Variants in ATP2C1 observed in about 807,000 individuals in gnomAD.
The protein encoded by ATP2C1 is calcium-transporting ATPase type 2C member 1.
ATP2C1 carries 31 observed loss-of-function variants against 120.5 expected under a neutral mutation model. The ratio of observed to expected loss-of-function variants is 0.26; its 90% CI spans 0.19 to 0.35. ATP2C1 has a LOEUF of 0.35. ATP2C1 is among the 10% of genes least tolerant of loss of function. ATP2C1 has a pLI of 1.00. For missense variants in ATP2C1, 731 were observed against 1,107.5 expected (o/e 0.66, Z 4.83); for synonymous variants, 351 against 358.7 (o/e 0.98, Z 0.24).
At chr3:130,980,431 T>A (rs2061705213) in intron 19 of ATP2C1, 151 bp from the exon 20 acceptor site, 3 of 624,638 alleles carry the variant, frequency 4.8e-6, no homozygotes, top group Non-Finnish European at 8.7e-6. Flanking sequence ...AACATAAAAC[T>A]CCAGACTTAA....
At chr3:130,851,459 A>G (rs1162980226) in intron 1 of ATP2C1, among the ~76,000 whole-genome samples, 1 of 152,198 alleles carries the variant, frequency 6.6e-6, no homozygotes, top group Admixed American at 6.5e-5. Context: ...GAGCACTGCC[A>G]TATTCAGTCT....
chr3:130,973,618 A>G (rs937121705), intron 17 of ATP2C1, among the ~76,000 whole-genome samples: 5 of 152,212 alleles, frequency 3.3e-5, no homozygotes, highest in African/African-American at 1.2e-4. Context: ...GGATTTCATC[A>G]CCATACTCAG....
Position 130,894,118 on chromosome 3 carries a change from A to T in ATP2C1, c.-400A>T. 1.0e-6 allele frequency: 1 copy of T among 968,142 alleles called. No individual in the cohort carries two copies. The highest frequency in any genetic ancestry group is 1.8e-5 in the African/African-American group (1 of 56,846). 60.0% of individuals were successfully genotyped at this position (968,142 alleles called of 1,614,324 possible). ...CGGCCTCGCGGAGCCGGCCCGGCGG[A>T]CCGTGACGGGTCCCCTCACCTCCTC... On this transcript the variant is annotated 5_prime_UTR_variant, in exon 1 of 28. Transcript: ENST00000510168. This position sits in a 1 kb window ranked among gnomAD's most constrained non-coding sequence, Gnocchi z 4.5.
chr3:130,915,860 A>G (rs992479618), intron 2 of ATP2C1, among the ~76,000 whole-genome samples: 1 of 152,156 alleles, frequency 6.6e-6, no homozygotes, highest in African/African-American at 2.4e-5. Flanking sequence ...TTTAGATTTT[A>G]TATTTAGCCA....
chr3:130,912,090 CA>C (rs1328030784), intron 2 of ATP2C1, among the ~76,000 whole-genome samples: 7 of 98,378 alleles, frequency 7.1e-5, no homozygotes, highest in Non-Finnish European at 1.4e-4. Flanking sequence ...ACACCTTATA[CA>C]AAAATCAATT....
intron 20 of ATP2C1, among the ~76,000 whole-genome samples, chr3:130,989,221 T>C (rs2062177061): frequency 7.6e-6 from 1 of 131,300 alleles, no homozygotes; most frequent in South Asian, 2.7e-4. Context: ...CACTCCAGCC[T>C]GGGCTACAAG....
chr3:130,984,122 A>G (rs766356410), intron 20 of ATP2C1, among the ~76,000 whole-genome samples: 7 of 152,168 alleles, frequency 4.6e-5, no homozygotes, highest in Non-Finnish European at 7.3e-5. Flanking sequence ...TGAGGCCCAC[A>G]GTACTTGGGA....
Position 131,002,791 on chromosome 3 carries a change from T to C in ATP2C1, c.*1441T>C. On this transcript the variant is annotated 3_prime_UTR_variant, in exon 28 of 28. Transcript: ENST00000510168. Reference sequence around the variant, plus strand: ...AGTGTTAGCACTGAAATATTGTCATTGATAGGGAAAATATCTATTCTTTGA... The same window carrying C: ...AGTGTTAGCACTGAAATATTGTCATCGATAGGGAAAATATCTATTCTTTGA... 3 of 985,640 alleles carry C rather than the reference T, an allele frequency of 3.0e-6. No individual in the cohort carries two copies. The highest frequency in any genetic ancestry group is 3.6e-6 in the Non-Finnish European group (3 of 829,922). 61.1% of individuals were successfully genotyped at this position (985,640 alleles called of 1,614,324 possible).
intron 2 of ATP2C1, among the ~76,000 whole-genome samples, chr3:130,905,139 T>A (rs2058063530): frequency 6.6e-6 from 1 of 152,058 alleles, no homozygotes; most frequent in African/African-American, 2.4e-5. Context: ...GAGAATGATA[T>A]CTAGAAACCA....
At chr3:130,890,659 G>C (rs570821333), upstream of ATP2C1, among the ~76,000 whole-genome samples, 1 of 152,272 alleles carries the variant, frequency 6.6e-6, no homozygotes, top group South Asian at 2.1e-4. Context: ...GCTCATATGA[G>C]TCCTTCAATT....
chr3:130,898,339 T>TAA (rs887492461), intron 2 of ATP2C1, among the ~76,000 whole-genome samples: 1 of 152,188 alleles, frequency 6.6e-6, no homozygotes, highest in African/African-American at 2.4e-5. Context: ...TTCAAATTGT[T>TAA]AATCAGCTAG....
At chr3:130,996,403 G>T in intron 23 of ATP2C1, 1 of 574,140 alleles carries the variant, frequency 1.7e-6, no homozygotes, top group South Asian at 2.1e-5. Flanking sequence ...AAGTAGAAGG[G>T]GTATTGTGTA....
intron 18 of ATP2C1, among the ~76,000 whole-genome samples, chr3:130,977,603 A>G (rs535234719): frequency 2.1e-4 from 32 of 152,186 alleles, no homozygotes; most frequent in South Asian, 1.9e-3. Flanking sequence ...ACCTCATTAT[A>G]TTGACTAATT....
intron 2 of ATP2C1, among the ~76,000 whole-genome samples, chr3:130,904,375 TACTG>T (rs1049519636): frequency 2.6e-5 from 4 of 152,106 alleles, no homozygotes; most frequent in African/African-American, 7.2e-5. Context: ...TTATAAATGT[TACTG>T]ACACTTTTGA....
intron 2 of ATP2C1, among the ~76,000 whole-genome samples, chr3:130,915,664 C>T (rs1218675163): frequency 3.9e-5 from 6 of 151,972 alleles, no homozygotes; most frequent in African/African-American, 9.7e-5. Context: ...TGTGAGTAAT[C>T]GGTTCAGGGT....
intron 20 of ATP2C1, among the ~76,000 whole-genome samples, chr3:130,981,273 G>A (rs2061751459): frequency 6.6e-6 from 1 of 152,036 alleles, no homozygotes; most frequent in South Asian, 2.1e-4. Flanking sequence ...TTTCTAGAAT[G>A]CACTAAAAAT....
intron 5 of ATP2C1, among the ~76,000 whole-genome samples, chr3:130,935,023 G>C (rs951795684): frequency 6.6e-6 from 1 of 152,006 alleles, no homozygotes; most frequent in African/African-American, 2.4e-5. Context: ...TGTAAAGACA[G>C]GGTCTTGTTA....
intron 20 of ATP2C1, among the ~76,000 whole-genome samples, chr3:130,983,694 A>G (rs2061874658): frequency 2.0e-5 from 3 of 152,200 alleles, no homozygotes; most frequent in African/African-American, 4.8e-5. Context: ...AATCCTTGAC[A>G]ACCACTGATC....
chr3:130,898,497 G>A (rs568754214), intron 2 of ATP2C1, among the ~76,000 whole-genome samples: 24 of 152,214 alleles, frequency 1.6e-4, no homozygotes, highest in African/African-American at 5.8e-4. Context: ...TATAGTTTAT[G>A]TTGTTTGCAG....
Sources: allele counts gnomAD v4.1 joint callset (sites outside exome capture counted in the v4.1 genomes callset), GRCh38; gene constraint gnomAD v4.1.1; non-coding constraint Gnocchi (gnomAD v3.1); transcripts MANE v1.5; gene names NCBI Gene and HGNC (gene_info 2026-07-23, HGNC 2026-07-21).